Variants in CTNNA2 observed in about 807,000 individuals in gnomAD.
CTNNA2 encodes catenin alpha-2.
CTNNA2 carries 42 observed loss-of-function variants against 101.0 expected under a neutral mutation model. The ratio of observed to expected loss-of-function variants is 0.42; its 90% CI spans 0.32 to 0.54. The LOEUF (loss-of-function observed/expected upper bound fraction) is 0.54. Among genes scored for constraint, CTNNA2 ranks in the 20% least tolerant of loss-of-function variants. The pLI is 0.14. For missense variants in CTNNA2, 871 were observed against 1,223.1 expected (o/e 0.71, Z 4.29); for synonymous variants, 450 against 456.4 (o/e 0.99, Z 0.18).
At chr2:79,518,449 CAAGTT>C (rs1425507102) in intron 1 of CTNNA2, among the ~76,000 whole-genome samples, 3 of 152,168 alleles carry the variant, frequency 2.0e-5, no homozygotes, top group Admixed American at 2.0e-4. Context: ...TCATATTCTG[CAAGTT>C]GAGTTTATGT....
chr2:80,318,843 TCC>T (rs1317026397), intron 7 of CTNNA2, among the ~76,000 whole-genome samples: 2 of 152,144 alleles, frequency 1.3e-5, no homozygotes, highest in Non-Finnish European at 2.9e-5. Flanking sequence ...CAAGAGATAG[TCC>T]CTTGGTAAGC....
At chr2:79,419,129 C>T (rs781075779) in intron 4 of CTNNA2, among the ~76,000 whole-genome samples, 8 of 152,154 alleles carry the variant, frequency 5.3e-5, no homozygotes, top group Admixed American at 2.0e-4. Flanking sequence ...GACCCAGACT[C>T]ACTTCATATT....
chr2:79,544,294 A>G (rs1204462977), intron 1 of CTNNA2, among the ~76,000 whole-genome samples: 1 of 152,204 alleles, frequency 6.6e-6, no homozygotes, highest in Non-Finnish European at 1.5e-5. Flanking sequence ...GTTGAGTTGT[A>G]GGTTAAGTCT....
At chr2:79,308,618 A>G (rs951134792) in intron 2 of CTNNA2, among the ~76,000 whole-genome samples, 3 of 152,024 alleles carry the variant, frequency 2.0e-5, no homozygotes, top group Non-Finnish European at 2.9e-5. Flanking sequence ...TTTGTCTTCT[A>G]GAAGTTTTAT....
chr2:79,977,929 G>A (rs1002919373), intron 7 of CTNNA2, among the ~76,000 whole-genome samples: 6 of 152,136 alleles, frequency 3.9e-5, no homozygotes, highest in Non-Finnish European at 7.4e-5. Context: ...CTCAAGCTTG[G>A]GTGGTGAGTA....
chr2:80,588,254 G>T (rs546390431), intron 14 of CTNNA2, among the ~76,000 whole-genome samples: 1 of 152,252 alleles, frequency 6.6e-6, no homozygotes, highest in South Asian at 2.1e-4. Context: ...GACACTAGAC[G>T]CACTTCAGCA....
intron 2 of CTNNA2, among the ~76,000 whole-genome samples, chr2:79,702,185 C>G (rs1685058031): frequency 6.6e-6 from 1 of 151,208 alleles, no homozygotes; most frequent in Non-Finnish European, 1.5e-5. Context: ...ATCTGTGGCC[C>G]AAGTCCTGAC....
At chr2:79,826,768 T>C (rs1574070009) in intron 3 of CTNNA2, among the ~76,000 whole-genome samples, 1 of 152,186 alleles carries the variant, frequency 6.6e-6, no homozygotes, top group African/African-American at 2.4e-5. Context: ...TTCACAAGTG[T>C]AATCACCTCC....
intron 4 of CTNNA2, among the ~76,000 whole-genome samples, chr2:79,380,967 C>A (rs1234922453): frequency 6.6e-6 from 1 of 152,034 alleles, no homozygotes; most frequent in Non-Finnish European, 1.5e-5. Context: ...AGGGATCAGG[C>A]AAAATTTTGA....
At chr2:80,010,829 G>C (rs565014536) in intron 7 of CTNNA2, among the ~76,000 whole-genome samples, 1 of 152,048 alleles carries the variant, frequency 6.6e-6, no homozygotes, top group South Asian at 2.1e-4. Context: ...TACATTTTTG[G>C]AGGAATACAT....
chr2:79,259,558 G>A (rs183546584), intron 2 of CTNNA2, among the ~76,000 whole-genome samples: 1 of 152,172 alleles, frequency 6.6e-6, no homozygotes, highest in African/African-American at 2.4e-5. Context: ...CACAGCTGAG[G>A]ATGATTTTAT....
At chr2:80,409,414 A>C (rs900095693) in intron 8 of CTNNA2, among the ~76,000 whole-genome samples, 3 of 152,224 alleles carry the variant, frequency 2.0e-5, no homozygotes, top group African/African-American at 7.2e-5. Flanking sequence ...CTTACCTGTA[A>C]GCACCATTTA....
At chr2:80,596,410 T>C (rs1696983461) in intron 15 of CTNNA2, among the ~76,000 whole-genome samples, 1 of 144,644 alleles carries the variant, frequency 6.9e-6, no homozygotes, top group East Asian at 2.2e-4. Context: ...CCCGGGTTCA[T>C]GCCATTCTCC....
chr2:79,521,769 T>C (rs995918804), intron 1 of CTNNA2, among the ~76,000 whole-genome samples: 2 of 152,132 alleles, frequency 1.3e-5, no homozygotes, highest in African/African-American at 4.8e-5. Flanking sequence ...GTCACAACTT[T>C]TTATTGTGGG....
intron 4 of CTNNA2, among the ~76,000 whole-genome samples, chr2:79,413,857 A>G (rs1678445736): frequency 1.4e-5 from 2 of 146,904 alleles, no homozygotes; most frequent in Non-Finnish European, 3.0e-5. Context: ...GGCCATTTGT[A>G]TGTCTTTTTT....
At chr2:79,942,372 G>A (rs1688217248) in intron 7 of CTNNA2, among the ~76,000 whole-genome samples, 1 of 152,166 alleles carries the variant, frequency 6.6e-6, no homozygotes, top group African/African-American at 2.4e-5. Flanking sequence ...GTATATGGCT[G>A]CCCATCATGC....
At position 80,090,172 on chromosome 2, in the gene CTNNA2, G is replaced by C. The variant is rs912024626; in HGVS notation, c.1056+180375G>C. Among the ~76,000 whole-genome samples, 38 of 125,188 alleles carry C rather than the reference G, an allele frequency of 3.0e-4. No individual in the cohort carries two copies. The South Asian group carries it at 9.7e-3, about 32-fold the overall frequency. 82.1% of individuals were successfully genotyped at this position (125,188 alleles called of 152,430 possible). The stretch of plus-strand genomic sequence containing the variant: ...TGTGTGTGTGTGTGTGTGTGTGTGT[G>C]TGTGTGTGTGTGTGTGTTTGTGTGT... On this transcript the variant is annotated intron_variant, in intron 7 of 18. Transcript: ENST00000402739.
At chr2:80,389,581 G>T (rs952189816) in intron 7 of CTNNA2, among the ~76,000 whole-genome samples, 1 of 152,028 alleles carries the variant, frequency 6.6e-6, no homozygotes, top group African/African-American at 2.4e-5. Flanking sequence ...TAAAATTATG[G>T]CCACATTTAG....
chr2:80,467,201 C>T (rs922587833), intron 9 of CTNNA2, among the ~76,000 whole-genome samples: 5 of 152,252 alleles, frequency 3.3e-5, no homozygotes, highest in Admixed American at 6.5e-5. Flanking sequence ...TCACATGCCA[C>T]GCGCTTCCTC....
Sources: allele counts gnomAD v4.1 joint callset (sites outside exome capture counted in the v4.1 genomes callset), GRCh38; gene constraint gnomAD v4.1.1; transcripts MANE v1.5; gene names NCBI Gene and HGNC (gene_info 2026-07-23, HGNC 2026-07-21).